CALN1: variants seen among roughly 807,000 people sequenced by gnomAD.
CALN1 encodes the protein calcium-binding protein 8.
CALN1 carries 17 observed loss-of-function variants against 30.6 expected under a neutral mutation model. The observed-to-expected ratio is 0.56, with a 90% CI of 0.38 to 0.83. The LOEUF (loss-of-function observed/expected upper bound fraction) is 0.83. CALN1 is among the 40% of genes least tolerant of loss of function. CALN1 has a pLI of 0.00. For synonymous variants in CALN1, 156 were observed against 131.4 expected, an observed-to-expected ratio of 1.19 and a Z score of -1.28; for missense variants, 291 against 354.9, an observed-to-expected ratio of 0.82 and a Z score of 1.45.
At chr7:72,008,375 T>TGAC (rs60748103) in intron 5 of CALN1, among the ~76,000 whole-genome samples, 28,830 of 151,700 alleles carry the variant, frequency 0.19, 4,794 homozygotes, top group African/African-American at 0.44. Context: ...TCCAGAATGG[T>TGAC]AAAGCTATAC....
At chr7:71,898,401 C>T (rs1793667706) in intron 5 of CALN1, among the ~76,000 whole-genome samples, 1 of 152,068 alleles carries the variant, frequency 6.6e-6, no homozygotes, top group Non-Finnish European at 1.5e-5. Context: ...GCAGATTGGA[C>T]ATGGCTGATA....
chr7:72,165,575 C>T (rs564381835), intron 3 of CALN1, among the ~76,000 whole-genome samples: 2 of 151,544 alleles, frequency 1.3e-5, no homozygotes, highest in East Asian at 3.9e-4. Context: ...CCAACAGGGC[C>T]AAAAACTCTG....
intron 4 of CALN1, among the ~76,000 whole-genome samples, chr7:72,047,610 A>G (rs1802554854): frequency 6.6e-6 from 1 of 152,194 alleles, no homozygotes; most frequent in African/African-American, 2.4e-5. Flanking sequence ...ATAGAAAAGA[A>G]AATGAGCCTG....
At chr7:72,264,479 C>G (rs1206610272) in intron 3 of CALN1, among the ~76,000 whole-genome samples, 1 of 149,976 alleles carries the variant, frequency 6.7e-6, no homozygotes, top group Non-Finnish European at 1.5e-5. Flanking sequence ...ACTTCCTGCT[C>G]AAAAATAATA....
chr7:72,494,741 C>T, the CALN1 span, among the ~76,000 whole-genome samples: 2 of 152,046 alleles, frequency 1.3e-5, no homozygotes, highest in African/African-American at 4.8e-5. Context: ...GTTGGGCACA[C>T]CTGCAGTCCC....
intron 2 of CALN1, among the ~76,000 whole-genome samples, chr7:72,343,538 TTC>T (rs1262720848): frequency 8.4e-6 from 1 of 119,606 alleles, no homozygotes; most frequent in African/African-American, 3.4e-5. Flanking sequence ...CAGAGCGAGA[TTC>T]TGTCTCAAAA....
chr7:72,143,892 G>A (rs1156612679), intron 3 of CALN1, among the ~76,000 whole-genome samples: 1 of 152,114 alleles, frequency 6.6e-6, no homozygotes, highest in Non-Finnish European at 1.5e-5. Context: ...ATAAGTGAAG[G>A]AGAAATAAAA....
chr7:72,460,863 G>T, the CALN1 span, among the ~76,000 whole-genome samples: 1 of 152,094 alleles, frequency 6.6e-6, no homozygotes, highest in Non-Finnish European at 1.5e-5. Context: ...TAGAGGTTTT[G>T]CTTCCCCCCA....
In CALN1 at chr7:71,790,363, G is replaced by GA. The variant is rs1180457053; in HGVS notation, c.659-2462dup. Among the ~76,000 whole-genome samples the GA allele has an allele frequency of 1.2e-4, 10 of 83,952 alleles. 1 individual carries two copies. The highest frequency in any genetic ancestry group is 4.4e-4 in the South Asian group (1 of 2,272). The allele number at this position is 83,952 out of a possible 152,430, so 55.1% of individuals were successfully genotyped here. On this transcript the variant is annotated intron_variant, in intron 6 of 6. Transcript: ENST00000395275. The stretch of plus-strand genomic sequence containing the variant: ...GAAAGAAAGAAAAGAAAGAAAGAAA[G>GA]AAAGAAAAGAAAGAAAGAAAGAAAG...
At position 72,351,034 on chromosome 7, in the gene CALN1, G is replaced by A. The variant is rs1258706779; in HGVS notation, c.119+52217C>T. Among the ~76,000 whole-genome samples, 8 of 152,144 alleles carry A rather than the reference G, an allele frequency of 5.3e-5. No homozygotes were observed. In the East Asian group the frequency reaches 7.7e-4, roughly 15 times the overall value. ...CAGGCACCTATAAACCCAGCTACTCGGGAGGCTGAAGCAGGAGAATCACTG... is the reference window on the plus strand; with the variant it reads ...CAGGCACCTATAAACCCAGCTACTCAGGAGGCTGAAGCAGGAGAATCACTG... On this transcript the variant is annotated intron_variant, in intron 2 of 6. Transcript: ENST00000395275.
At chr7:71,871,808 T>C (rs945471545) in intron 5 of CALN1, among the ~76,000 whole-genome samples, 5 of 152,120 alleles carry the variant, frequency 3.3e-5, no homozygotes, top group Non-Finnish European at 7.3e-5. Flanking sequence ...TTCAGAGAGA[T>C]TCTCAGATTT....
At chr7:72,399,677 C>A (rs1398193152) in intron 2 of CALN1, among the ~76,000 whole-genome samples, 2 of 152,160 alleles carry the variant, frequency 1.3e-5, no homozygotes, top group Admixed American at 1.3e-4. Flanking sequence ...ACTTTCCCAG[C>A]ACTTCATGGA....
intron 3 of CALN1, among the ~76,000 whole-genome samples, chr7:72,190,769 C>T (rs28447164): frequency 0.25 from 37,590 of 152,080 alleles, 4,984 homozygotes; most frequent in Middle Eastern, 0.35. Flanking sequence ...GCATCAGATA[C>T]ATTTTGTAAA....
intron 2 of CALN1, chr7:72,336,817 G>A (rs373300363): frequency 4.1e-6 from 4 of 984,962 alleles, no homozygotes; most frequent in East Asian, 2.3e-4. Flanking sequence ...GCGCCGAGCG[G>A]GCAGCGCTCA....
rs183669209 is a variant in CALN1 at position 72,205,559 on chromosome 7, T to C, written c.244+73127A>G. 9.8e-3 allele frequency among the ~76,000 whole-genome samples: 752 copies of C among 76,516 alleles called. 76 individuals carry two copies. Among genetic ancestry groups the C allele is most frequent in the East Asian group, 0.073 (33 of 452 alleles). The allele number at this position is 76,516 out of a possible 152,430, so 50.2% of individuals were successfully genotyped here. A position where few individuals can be genotyped will look rare whatever the true frequency, so the allele number is the denominator to read the frequency against. ...CCTGATTGCAAAAAAAAAATATATA[T>C]ATATATATGTATATATATATATATA... On this transcript the variant is annotated intron_variant, in intron 3 of 6. Coordinates refer to ENST00000395275, the MANE Select transcript of CALN1 (RefSeq NM_031468.4).
chr7:72,125,475 A>G (rs993111713), intron 3 of CALN1, among the ~76,000 whole-genome samples: 3 of 152,248 alleles, frequency 2.0e-5, no homozygotes, highest in Non-Finnish European at 4.4e-5. Flanking sequence ...GACGATGGGC[A>G]CTTTGTAAAG....
intron 2 of CALN1, among the ~76,000 whole-genome samples, chr7:72,344,577 T>C (rs1802529331): frequency 6.8e-6 from 1 of 147,448 alleles, no homozygotes; most frequent in South Asian, 2.1e-4. Context: ...TTTATTTATA[T>C]ATTCTATTTA....
rs186734198 is a variant in CALN1 at position 72,175,381 on chromosome 7, T to C, written c.245-69087A>G. On this transcript the variant is annotated intron_variant, in intron 3 of 6. Transcript: ENST00000395275. ...AGCCAAATCATTTTTTAAATAAGAA[T>C]AAACCAGAGCAAATTCAGAATACAG... Among the ~76,000 whole-genome samples the C allele has an allele frequency of 4.6e-5, 7 of 152,144 alleles. 1 individual carries two copies. Among genetic ancestry groups the C allele is most frequent in the Admixed American group, 3.9e-4 (6 of 15,258 alleles).
rs758200175 is a variant in CALN1, at chr7:72,048,025, GCTT to G, written c.389-24259_389-24257del. Among the ~76,000 whole-genome samples, 772 of 145,686 alleles carry G rather than the reference GCTT, an allele frequency of 5.3e-3. 29 individuals are homozygous for G. The highest frequency in any genetic ancestry group is 0.03 in the Middle Eastern group (8 of 270). ...TTCAGAGGCTTCATTCATTCATATT[GCTT>G]CTTCTTCTTCTTCTTTTTTTTTTTT... On this transcript the variant is annotated intron_variant, in intron 4 of 6. Transcript: ENST00000395275.
Sources: gnomAD v4.1 joint callset for allele counts (sites outside exome capture counted in the v4.1 genomes callset) on GRCh38, gnomAD v4.1.1 for gene constraint, MANE v1.5 for transcripts, NCBI Gene and HGNC (gene_info 2026-07-23, HGNC 2026-07-21) for gene names.